MBTPS2: variants seen among roughly 807,000 people sequenced by gnomAD.
MBTPS2 encodes the protein membrane bound transcription factor peptidase, site 2.
Under a neutral mutation model 35.4 loss-of-function variants are expected in MBTPS2, and 2 were observed. The observed-to-expected ratio is 0.06, with a 90% confidence interval of 0.02 to 0.18. The LOEUF (loss-of-function observed/expected upper bound fraction) is 0.18, where lower values mean the gene tolerates loss of function less well. Ranked by LOEUF, MBTPS2 falls within the 10% of genes least tolerant of loss-of-function variation. MBTPS2 has a pLI of 1.00. For synonymous variants in MBTPS2, 125 were observed against 140.4 expected, an observed-to-expected ratio of 0.89 and a Z score of 0.77; for missense variants, 244 against 386.5, an observed-to-expected ratio of 0.63 and a Z score of 3.09.
chrX:21,869,402 T>G lies in MBTPS2; in HGVS notation c.790-96T>G. ...GCTGGATTATTTTCTGCATTCAAAC[T>G]ATTCACTTAATTAACTCAGTGTCTT... On this transcript the variant is annotated intron_variant, in intron 6 of 10. Transcript: ENST00000379484. The G allele has an allele frequency of 2.0e-5, 13 of 648,291 alleles. No homozygotes were observed. In the South Asian group the frequency reaches 2.6e-4, roughly 13 times the overall value. The allele number at this position is 648,291 out of a possible 1,213,427, so 53.4% of individuals were successfully genotyped here. A position where few individuals can be genotyped will look rare whatever the true frequency, so the allele number is the denominator to read the frequency against.
chrX:21,866,906 G>A (rs925599982), intron 5 of MBTPS2, among the ~76,000 whole-genome samples: 2 of 109,046 alleles, frequency 1.8e-5, no homozygotes, highest in African/African-American at 6.7e-5. Context: ...GTGGGCGCCT[G>A]TAATCCCAGC....
chrX:21,883,857 T>C lies in MBTPS2; in HGVS notation c.*1202T>C, dbSNP rs2092961949. 19 of 753,481 alleles carry C rather than the reference T, an allele frequency of 2.5e-5. No homozygotes were observed. Among genetic ancestry groups the C allele is most frequent in the Non-Finnish European group, 2.8e-5 (18 of 639,138 alleles). The allele number at this position is 753,481 out of a possible 1,213,427, so 62.1% of individuals were successfully genotyped here. A position where few individuals can be genotyped will look rare whatever the true frequency, so the allele number is the denominator to read the frequency against. On this transcript the variant is annotated 3_prime_UTR_variant, in exon 11 of 11. Transcript: ENST00000379484. ...ACGCCTGCTTTGAGGTCTTTTGGAG[T>C]GGAGATGCAGCCCTGGGAAATTTGG...
chrX:21,873,182 C>T (rs1223783063), intron 7 of MBTPS2: 1 of 111,920 alleles, frequency 8.9e-6, no homozygotes, highest in Non-Finnish European at 1.9e-5. Flanking sequence ...GATTTAAACT[C>T]TTTGAAGGTT....
Position 21,851,579 on chromosome X carries a change from T to C in MBTPS2, c.509T>C (p.Val170Ala). Residue 170 changes from valine (V) to alanine (A), a missense_variant, in exon 4 of 11, where the codon GTA (valine) becomes GCA (alanine). By Grantham distance (64) the Val-to-Ala change is moderately conservative. Transcript: ENST00000379484. ...FFTAVLISGV[V>A]HEIGHGIAAI... is the part of the protein sequence containing the mutation. Reference sequence around the variant, plus strand: ...ACGGCAGTTCTCATTAGTGGTGTTGTACATGAAATTGGACATGGGATAGCA... The same window carrying C: ...ACGGCAGTTCTCATTAGTGGTGTTGCACATGAAATTGGACATGGGATAGCA... The C allele has an allele frequency of 5.8e-6, 7 of 1,202,564 alleles. No individual in the cohort carries two copies. Among genetic ancestry groups the C allele is most frequent in the Non-Finnish European group, 7.9e-6 (7 of 887,160 alleles).
At chrX:21,848,367 C>A (rs1026609650) in intron 3 of MBTPS2, among the ~76,000 whole-genome samples, 22 of 108,404 alleles carry the variant, frequency 2.0e-4, no homozygotes, top group African/African-American at 7.1e-4. Flanking sequence ...TGTAGTGAGC[C>A]AAGATCACAC....
At chrX:21,876,433 G>A (rs1339448510) in intron 7 of MBTPS2, among the ~76,000 whole-genome samples, 1 of 110,625 alleles carries the variant, frequency 9.0e-6, no homozygotes, top group Admixed American at 9.7e-5. Context: ...GGGCATGGTG[G>A]CACGTGCCTG....
intron 5 of MBTPS2, chrX:21,857,651 G>T (rs771303094): frequency 4.4e-6 from 5 of 1,126,975 alleles, no homozygotes; most frequent in Admixed American, 5.4e-5. Flanking sequence ...CCAGGACTGC[G>T]GTAGGGAATA....
At chrX:21,874,302 G>A (rs1342115467) in intron 7 of MBTPS2, among the ~76,000 whole-genome samples, 1 of 107,333 alleles carries the variant, frequency 9.3e-6, no homozygotes, top group East Asian at 3.0e-4. Flanking sequence ...TGGGATTACA[G>A]GGGTGAGCCA....
At chrX:21,845,524 C>A in intron 3 of MBTPS2, 140 bp downstream of exon 3, 2 of 551,732 alleles carry the variant, frequency 3.6e-6, no homozygotes, top group Non-Finnish European at 5.5e-6. Flanking sequence ...CCTGCTTACA[C>A]AAAAAAATTA....
chrX:21,874,001 G>GTGTA (rs1555985324), intron 7 of MBTPS2, among the ~76,000 whole-genome samples: 13 of 60,842 alleles, frequency 2.1e-4, no homozygotes, highest in Admixed American at 7.6e-4. Context: ...GTGTGTGTGT[G>GTGTA]TATATATATA....
At position 21,882,619 on chromosome X, in the gene MBTPS2, T is replaced by C; in HGVS notation, c.1524T>C (p.Asn508=). ...GTGGCAGTGTACTTTTGGCTGCCAA[T>C]GTGACCCTGGGACTCTGGATGGTTA... ...LLGGSVLLAA[N]VTLGLWMVTA... is the part of the protein sequence containing the mutation. Residue 508 remains asparagine, a synonymous_variant, in exon 11 of 11, where the codon AAT becomes AAC. Transcript: ENST00000379484. 13 of 1,211,994 alleles carry C rather than the reference T, an allele frequency of 1.1e-5. No homozygotes were observed. The highest frequency in any genetic ancestry group is 1.3e-5 in the Non-Finnish European group (12 of 895,457).
intron 5 of MBTPS2, among the ~76,000 whole-genome samples, chrX:21,868,042 A>T (rs17275156): frequency 0.18 from 19,683 of 111,217 alleles, 1,414 homozygotes; most frequent in East Asian, 0.24. Flanking sequence ...TTAGTTCTTA[A>T]AACAACCTCC....
chrX:21,858,379 A>C (rs2092926603), intron 5 of MBTPS2: 1 of 123,633 alleles, frequency 8.1e-6, no homozygotes, highest in Admixed American at 9.4e-5. Context: ...TGTTGACTTT[A>C]ACACTTAAGA....
intron 10 of MBTPS2, 65 bp from the exon 11 acceptor site, chrX:21,882,368 A>C: frequency 1.2e-6 from 1 of 807,298 alleles, no homozygotes; most frequent in Non-Finnish European, 1.9e-6. Context: ...ATATCTTCTG[A>C]CTCATAGAAA....
At chrX:21,864,852 G>T (rs1569326261) in intron 5 of MBTPS2, among the ~76,000 whole-genome samples, 1 of 103,806 alleles carries the variant, frequency 9.6e-6, no homozygotes, top group African/African-American at 3.5e-5. Flanking sequence ...TATGTAATAG[G>T]TTTTTTTCTT....
chrX:21,878,228 C>A, intron 8 of MBTPS2, 92 bp downstream of exon 8: 1 of 607,834 alleles, frequency 1.6e-6, no homozygotes, highest in Non-Finnish European at 2.8e-6. Context: ...AAACTTCTCT[C>A]TTTTGCTCTA....
intron 7 of MBTPS2, 30 bp downstream of exon 7, chrX:21,869,708 G>T: frequency 9.4e-7 from 1 of 1,065,284 alleles, no homozygotes; most frequent in Non-Finnish European, 1.3e-6. Context: ...ATAATATAAT[G>T]CTTCAAGCAC....
rs1226137930 is a variant in MBTPS2 at position 21,884,352 on chromosome X, C to T, written c.*1697C>T. On this transcript the variant is annotated 3_prime_UTR_variant, in exon 11 of 11. Transcript: ENST00000379484. ...TTCAAGTAGTAGAGCTTGGAGAATGCCATGAAATACTTATATAATTAATTT... is the reference window on the plus strand; with the variant it reads ...TTCAAGTAGTAGAGCTTGGAGAATGTCATGAAATACTTATATAATTAATTT... 1 of 668,885 alleles carries T rather than the reference C, an allele frequency of 1.5e-6. No individual in the cohort carries two copies. Among genetic ancestry groups the T allele is most frequent in the Non-Finnish European group, 1.8e-6 (1 of 561,497 alleles). 55.1% of individuals were successfully genotyped at this position (668,885 alleles called of 1,213,427 possible).
intron 4 of MBTPS2, 85 bp downstream of exon 4, chrX:21,851,697 T>G (rs930553342): frequency 1.6e-6 from 1 of 643,254 alleles, no homozygotes; most frequent in Non-Finnish European, 2.6e-6. Flanking sequence ...TCTGCTATAT[T>G]TGATACTTCA....
Sources: allele counts gnomAD v4.1 joint callset (sites outside exome capture counted in the v4.1 genomes callset), GRCh38; gene constraint gnomAD v4.1.1; transcripts MANE v1.5; gene names NCBI Gene and HGNC (gene_info 2026-07-23, HGNC 2026-07-21).